EXOC3: variants seen among roughly 807,000 people sequenced by gnomAD.
The protein encoded by EXOC3 is exocyst complex component 3.
A neutral mutation model predicts 73.7 loss-of-function variants in EXOC3; 21 were observed. The ratio of observed to expected loss-of-function variants is 0.29; its 90% confidence interval spans 0.20 to 0.41. EXOC3 has a LOEUF of 0.41. Ranked by LOEUF, EXOC3 falls within the 10% of genes least tolerant of loss-of-function variation. The pLI, the probability that EXOC3 is intolerant of heterozygous loss-of-function variation, is 1.00. For synonymous variants in EXOC3, 410 were observed against 389.1 expected (o/e 1.05, Z -0.63); for missense variants, 842 against 985.1 (o/e 0.85, Z 1.95).
In EXOC3 at chr5:446,274, G is replaced by A. The variant is rs747345186; in HGVS notation, c.69G>A (p.Pro23=). 3.2e-5 allele frequency: 51 copies of A among 1,613,756 alleles called. No individual in the cohort carries two copies. The highest frequency in any genetic ancestry group is 1.6e-4 in the Middle Eastern group (1 of 6,084). ...GGGTTGCTGGGATGCTCCAGCGCCC[G>A]GACCAGCTGGACAAGGTGGAGCAGT... ...VQRVAGMLQR[P]DQLDKVEQYR... is the part of the protein sequence containing the mutation. The change falls in exon 2 of 13, where the codon CCG becomes CCA. Residue 23 remains proline (P), a synonymous_variant. Transcript: ENST00000512944.
At chr5:456,462 C>T in intron 4 of EXOC3, among the ~76,000 whole-genome samples, 1 of 152,126 alleles carries the variant, frequency 6.6e-6, no homozygotes. Flanking sequence ...GTTTGCCAGG[C>T]CCTGCCTCGG....
chr5:444,037 G>A (rs1737430967), intron 1 of EXOC3, among the ~76,000 whole-genome samples: 1 of 151,928 alleles, frequency 6.6e-6, no homozygotes, highest in Non-Finnish European at 1.5e-5. Flanking sequence ...CCGGTAAAGG[G>A]TCCCTCCTGG....
Position 466,870 on chromosome 5 carries a change from G to C in EXOC3, c.2210G>C (p.Ser737Thr). 6.2e-7 allele frequency: 1 copy of C among 1,610,696 alleles called. No homozygotes were observed. The highest frequency in any genetic ancestry group is 8.5e-7 in the Non-Finnish European group (1 of 1,178,676). Residue 737 changes from serine to threonine, a missense_variant, in exon 13 of 13, where the codon AGC (serine) becomes ACC (threonine). Transcript: ENST00000512944. Reference sequence around the variant, plus strand: ...CTCTTCAAGGACATTGTGGTGCCCAGCCTGAACGTGGCCAAGCTGCTCAAG... The same window carrying C: ...CTCTTCAAGGACATTGTGGTGCCCACCCTGAACGTGGCCAAGCTGCTCAAG... ...VPLFKDIVVP[S>T]LNVAKLLK
In EXOC3 at chr5:456,938, A is replaced by G. The variant is rs1200622617; in HGVS notation, c.1096A>G (p.Thr366Ala). ...GCTGGCCCCGGAAGTGGATGTCGGC[A>G]CCCTGGAGCCATTGCTTTCTCCACA... is the stretch of plus-strand genomic sequence containing the variant. ...VELAPEVDVG[T>A]LEPLLSPHVV... is the part of the protein sequence containing the mutation. Residue 366 changes from threonine to alanine, a missense_variant, in exon 5 of 13, where the codon ACC (threonine) becomes GCC (alanine). By Grantham distance (58) the Thr-to-Ala change is moderately conservative (BLOSUM62 0). Coordinates refer to ENST00000512944, the MANE Select transcript of EXOC3 (RefSeq NM_007277.5). 35 of 1,613,896 alleles carry G rather than the reference A, an allele frequency of 2.2e-5. No homozygotes were observed. The Admixed American group carries it at 5.8e-4, about 27-fold the overall frequency.
chr5:455,851 G>A (rs1438358404), intron 4 of EXOC3, among the ~76,000 whole-genome samples: 3 of 152,186 alleles, frequency 2.0e-5, no homozygotes, highest in Non-Finnish European at 2.9e-5. Flanking sequence ...TGATCCGCCC[G>A]TCTCGGCTTC....
intron 3 of EXOC3, among the ~76,000 whole-genome samples, chr5:449,654 C>T (rs1737600323): frequency 6.6e-6 from 1 of 152,160 alleles, no homozygotes; most frequent in Admixed American, 6.5e-5. Flanking sequence ...GAATAATATT[C>T]CATTGTATGG....
chr5:448,190 CAGG>C (rs746727322), intron 3 of EXOC3, among the ~76,000 whole-genome samples: 1 of 152,220 alleles, frequency 6.6e-6, no homozygotes, highest in Non-Finnish European at 1.5e-5. Context: ...AGCTCCCAGG[CAGG>C]AGGAGAAGCG....
Position 466,177 on chromosome 5 carries a change from G to T in EXOC3, c.2066+332G>T, listed in dbSNP as rs1188869478. 1.4e-5 allele frequency: 5 copies of T among 345,236 alleles called. No individual in the cohort carries two copies. In the Admixed American group the frequency reaches 1.8e-4, roughly 12 times the overall value. The allele number at this position is 345,236 out of a possible 1,614,324, so 21.4% of individuals were successfully genotyped here. ...AGTGGCCTCAGTGGGGCGAGTTTAG[G>T]AAGTTTCCTCTGTGCTCATGGTGGA... is the stretch of plus-strand genomic sequence containing the variant. On this transcript the variant is annotated intron_variant, in intron 12 of 12. Coordinates refer to ENST00000512944, the MANE Select transcript of EXOC3 (RefSeq NM_007277.5).
rs766321573 is a variant in EXOC3 at position 446,133 on chromosome 5, C to T, written c.-56-17C>T. The T allele has an allele frequency of 8.9e-6, 14 of 1,574,200 alleles. No homozygotes were observed. The highest frequency in any genetic ancestry group is 6.8e-5 in the African/African-American group (5 of 74,070). ...GTTTTGTACCTAACATTTCTACCGTCCTAACAACTCCTGCAGTGCACAGAG... is the reference window on the plus strand; with the variant it reads ...GTTTTGTACCTAACATTTCTACCGTTCTAACAACTCCTGCAGTGCACAGAG... On this transcript the variant is annotated splice_polypyrimidine_tract_variant and intron_variant, in intron 1 of 12. Coordinates refer to ENST00000512944, the MANE Select transcript of EXOC3 (RefSeq NM_007277.5).
chr5:445,087 A>G (rs1737466725), intron 1 of EXOC3: 1 of 152,262 alleles, frequency 6.6e-6, no homozygotes. Context: ...AATATTCATG[A>G]AGATGAAAAT....
chr5:462,351 C>T, intron 9 of EXOC3, 44 bp downstream of exon 9: 1 of 1,608,950 alleles, frequency 6.2e-7, no homozygotes, highest in Middle Eastern at 1.7e-4. Context: ...GGCCGAAGCC[C>T]AGTGCTTCCT....
intron 9 of EXOC3, among the ~76,000 whole-genome samples, chr5:463,419 C>T (rs760434654): frequency 4.6e-5 from 7 of 152,304 alleles, no homozygotes; most frequent in South Asian, 4.1e-4. Flanking sequence ...TGAAACTAGA[C>T]GCCCGATCTT....
At chr5:456,253 C>T (rs1454811817) in intron 4 of EXOC3, among the ~76,000 whole-genome samples, 3 of 152,168 alleles carry the variant, frequency 2.0e-5, no homozygotes, top group Non-Finnish European at 2.9e-5. Context: ...TTCTAGATTA[C>T]TTATAAGACT....
At chr5:457,439 G>A (rs181488205) in intron 5 of EXOC3, 185 of 241,478 alleles carry the variant, frequency 7.7e-4, no homozygotes, top group South Asian at 1.9e-3. Flanking sequence ...CTTAGACAAG[G>A]GTGCGTCCAC....
chr5:465,601 T>C, intron 11 of EXOC3, 117 bp from the exon 12 acceptor site: 2 of 1,315,752 alleles, frequency 1.5e-6, no homozygotes, highest in Non-Finnish European at 2.1e-6. Context: ...GAGTAGATCC[T>C]GAGGAGTCAG....
chr5:466,324 C>T (rs1738149649), intron 12 of EXOC3: 1 of 255,092 alleles, frequency 3.9e-6, no homozygotes, highest in East Asian at 9.1e-5. Context: ...ATGCTGGCTC[C>T]AGGCCCCAGG....
chr5:466,614 G>A (rs182001247), intron 12 of EXOC3, 113 bp from the exon 13 acceptor site: 15 of 987,012 alleles, frequency 1.5e-5, no homozygotes, highest in Middle Eastern at 2.6e-4. Flanking sequence ...TGTCTGCAGC[G>A]GTCCTCACCC....
intron 5 of EXOC3, 135 bp downstream of exon 5, chr5:457,141 C>A: frequency 4.6e-6 from 3 of 658,580 alleles, no homozygotes; most frequent in Non-Finnish European, 8.2e-6. Flanking sequence ...GTTGCCCGGG[C>A]TCTGCTTCCA....
chr5:453,638 A>T lies in EXOC3; in HGVS notation c.633A>T (p.Ser211=). The part of the protein sequence containing the change: ...TVRRDPTLLV[S]VVRIIEREEK... Reference sequence around the variant, plus strand: ...GCCGTGACCCCACCTTGCTGGTCTCAGTTGTCAGGATCATTGAAAGGGAAG... The same window carrying T: ...GCCGTGACCCCACCTTGCTGGTCTCTGTTGTCAGGATCATTGAAAGGGAAG... The change falls in exon 4 of 13, where the codon TCA becomes TCT. Residue 211 remains serine, a synonymous_variant. Transcript: ENST00000512944. 2.5e-6 allele frequency: 4 copies of T among 1,613,996 alleles called. No individual in the cohort carries two copies. The highest frequency in any genetic ancestry group is 3.4e-6 in the Non-Finnish European group (4 of 1,179,886).
Sources: allele counts gnomAD v4.1 joint callset (sites outside exome capture counted in the v4.1 genomes callset), GRCh38; gene constraint gnomAD v4.1.1; transcripts MANE v1.5; gene names NCBI Gene and HGNC (gene_info 2026-07-23, HGNC 2026-07-21).